The following HEATR5B variants were observed in gnomAD, a reference collection of about 807,000 sequenced individuals.
HEATR5B encodes the protein HEAT repeat containing 5B.
HEATR5B carries 156 observed loss-of-function variants against 224.1 expected under a neutral mutation model. That is an observed-to-expected ratio of 0.70 (90% CI 0.61 to 0.80). The LOEUF is 0.80. Ranked by LOEUF, HEATR5B falls within the 30% of genes least tolerant of loss-of-function variation. HEATR5B has a pLI of 0.00. For missense variants in HEATR5B, 2,323 were observed against 2,535.5 expected (o/e 0.92, Z 1.80); for synonymous variants, 1,027 against 893.0 (o/e 1.15, Z -2.68).
intron 18 of HEATR5B, among the ~76,000 whole-genome samples, chr2:37,044,181 T>C (rs11685402): frequency 0.18 from 27,567 of 152,112 alleles, 3,028 homozygotes; most frequent in East Asian, 0.53. Flanking sequence ...AACTGCTCAA[T>C]AGTCGTATGT....
At chr2:37,013,094 G>C (rs375336423) in intron 27 of HEATR5B, among the ~76,000 whole-genome samples, 2 of 152,214 alleles carry the variant, frequency 1.3e-5, no homozygotes, top group Non-Finnish European at 2.9e-5. Context: ...AAGGGAATGA[G>C]AAAAGTTTAG....
intron 17 of HEATR5B, among the ~76,000 whole-genome samples, chr2:37,051,881 A>G (rs1385757506): frequency 6.6e-6 from 1 of 152,078 alleles, no homozygotes; most frequent in Non-Finnish European, 1.5e-5. Flanking sequence ...CTGGGATTAC[A>G]GGCACCTGAC....
At chr2:37,082,864 G>C (rs768035776) in intron 2 of HEATR5B, among the ~76,000 whole-genome samples, 12 of 151,968 alleles carry the variant, frequency 7.9e-5, no homozygotes, top group Non-Finnish European at 1.5e-4. Flanking sequence ...CGCTAGGTTA[G>C]GGTCTCCCCA....
chr2:37,050,966 G>A (rs553363247), intron 17 of HEATR5B, among the ~76,000 whole-genome samples: 15 of 152,198 alleles, frequency 9.9e-5, no homozygotes, highest in African/African-American at 3.1e-4. Context: ...ACTTGAATCC[G>A]GGAGGCAGAG....
intron 28 of HEATR5B, 126 bp downstream of exon 28, chr2:37,008,485 C>A: frequency 1.4e-6 from 1 of 701,164 alleles, no homozygotes; most frequent in South Asian, 1.7e-5. Flanking sequence ...GAGACAACAT[C>A]AAACTTAAGC....
chr2:37,015,614 G>C (rs958169002), intron 26 of HEATR5B, among the ~76,000 whole-genome samples: 4 of 152,168 alleles, frequency 2.6e-5, no homozygotes, highest in Admixed American at 2.6e-4. Flanking sequence ...TTGAATGGAA[G>C]GAAGGTGATA....
At chr2:36,994,682 T>A (rs1047907962) in intron 33 of HEATR5B, among the ~76,000 whole-genome samples, 6 of 152,188 alleles carry the variant, frequency 3.9e-5, no homozygotes, top group Non-Finnish European at 8.8e-5. Context: ...TTTCCCTTAA[T>A]GAACAATTTC....
At chr2:36,988,102 T>C (rs1226297830) in intron 35 of HEATR5B, among the ~76,000 whole-genome samples, 1 of 151,392 alleles carries the variant, frequency 6.6e-6, no homozygotes, top group Non-Finnish European at 1.5e-5. Context: ...ATTAAACATC[T>C]ATATTTTTCC....
chr2:36,982,974 A>G (rs903911409), intron 35 of HEATR5B, among the ~76,000 whole-genome samples: 1 of 151,786 alleles, frequency 6.6e-6, no homozygotes, highest in Non-Finnish European at 1.5e-5. Context: ...GCTCCATGAG[A>G]TCAGGGACCT....
chr2:37,058,369 G>C lies in HEATR5B; in HGVS notation c.2059+82C>G, dbSNP rs901010895. On this transcript the variant is annotated intron_variant, in intron 14 of 35. Coordinates refer to ENST00000233099, the MANE Select transcript of HEATR5B (RefSeq NM_019024.3). ...CTTCCTTTGCACAGTAAGTCAGTGG[G>C]AGAGCCTTTGTCAAGACTCTATAAT... 15 of 781,166 alleles carry C rather than the reference G, an allele frequency of 1.9e-5. No individual in the cohort carries two copies. The East Asian group carries it at 3.1e-4, about 16-fold the overall frequency. 48.4% of individuals were successfully genotyped at this position (781,166 alleles called of 1,614,324 possible).
chr2:37,032,864 A>G, intron 21 of HEATR5B, 91 bp from the exon 22 acceptor site: 1 of 1,020,224 alleles, frequency 9.8e-7, no homozygotes, highest in Non-Finnish European at 1.4e-6. Context: ...ATACATACAT[A>G]CATATATATG....
intron 12 of HEATR5B, 120 bp downstream of exon 12, chr2:37,060,460 AG>A: frequency 1.3e-6 from 1 of 780,420 alleles, no homozygotes; most frequent in Non-Finnish European, 1.9e-6. Context: ...TAAATCTAAA[AG>A]CCTATGAATT....
At chr2:36,994,844 G>A (rs1476249440) in intron 33 of HEATR5B, among the ~76,000 whole-genome samples, 12 of 150,636 alleles carry the variant, frequency 8.0e-5, no homozygotes, top group Non-Finnish European at 1.5e-4. Context: ...CTCCGCCCCC[G>A]GGTTCACGCC....
chr2:36,990,147 G>A (rs1666229142), intron 34 of HEATR5B, among the ~76,000 whole-genome samples: 1 of 151,708 alleles, frequency 6.6e-6, no homozygotes, highest in Non-Finnish European at 1.5e-5. Flanking sequence ...TGCCTGCCTT[G>A]GCCTCCCTAA....
intron 12 of HEATR5B, among the ~76,000 whole-genome samples, chr2:37,059,736 A>G (rs1021723888): frequency 1.3e-5 from 2 of 152,060 alleles, no homozygotes; most frequent in Non-Finnish European, 2.9e-5. Flanking sequence ...CTGGGATTAC[A>G]GGCATGAGCC....
At chr2:37,019,739 A>G in intron 26 of HEATR5B, 70 bp downstream of exon 26, 1 of 1,147,608 alleles carries the variant, frequency 8.7e-7, no homozygotes, top group Non-Finnish European at 1.3e-6. Context: ...ATTCCTTTAC[A>G]CAAGTTAAAT....
At chr2:37,032,890 T>A in intron 21 of HEATR5B, 117 bp from the exon 22 acceptor site, 1 of 945,058 alleles carries the variant, frequency 1.1e-6, no homozygotes, top group Non-Finnish European at 1.5e-6. Flanking sequence ...TTTTGTTTTT[T>A]TTTTTTTGAG....
chr2:37,069,916 G>C (rs1373557112), intron 7 of HEATR5B, among the ~76,000 whole-genome samples: 1 of 42,232 alleles, frequency 2.4e-5, no homozygotes, highest in Non-Finnish European at 5.2e-5. Context: ...TTTTTTTTTT[G>C]AGATGGAGTC....
In HEATR5B at chr2:37,000,732, T is replaced by A. The variant is rs371455386; in HGVS notation, c.5399A>T (p.Gln1800Leu). The A allele has an allele frequency of 1.2e-6, 2 of 1,614,024 alleles. No individual in the cohort carries two copies. The highest frequency in any genetic ancestry group is 2.7e-5 in the African/African-American group (2 of 74,942). The change falls in exon 33 of 36, where the codon CAG (glutamine) becomes CTG (leucine). Residue 1800 changes from glutamine to leucine, a missense_variant. Physicochemically the swap from Gln to Leu is moderately radical, Grantham distance 113. Coordinates refer to ENST00000233099, the MANE Select transcript of HEATR5B (RefSeq NM_019024.3). ...KDTAIKSADNQVPPPVSAALQ... is the reference protein window; with the variant it reads ...KDTAIKSADNLVPPPVSAALQ... ...AGCTGCACTGACTGGTGGAGGAACC[T>A]GATTATCTGCAGACTTTATTGCTGT...
Sources: allele counts gnomAD v4.1 joint callset (sites outside exome capture counted in the v4.1 genomes callset), GRCh38; gene constraint gnomAD v4.1.1; transcripts MANE v1.5; gene names NCBI Gene and HGNC (gene_info 2026-07-23, HGNC 2026-07-21).